Variants in CHSY3 observed in about 807,000 individuals in gnomAD.
The protein encoded by CHSY3 is chondroitin sulfate synthase 3, also known as N-acetylgalactosaminyl-proteoglycan 3-beta-glucuronosyltransferase 3.
In CHSY3, 35 loss-of-function variants were observed where a neutral mutation model predicts 67.2. The observed-to-expected ratio is 0.52, with a 90% CI of 0.40 to 0.69. The LOEUF is 0.69. CHSY3 is among the 30% of genes least tolerant of loss of function. The probability of loss-of-function intolerance (pLI) is 0.00; values close to 1 mark genes in which losing one functional copy is unlikely to be tolerated. For missense variants in CHSY3, 1,069 were observed against 1,138.5 expected (o/e 0.94, Z 0.88); for synonymous variants, 474 against 434.7 (o/e 1.09, Z -1.12).
At chr5:130,106,441 G>A (rs908764224) in intron 2 of CHSY3, among the ~76,000 whole-genome samples, 21 of 151,614 alleles carry the variant, frequency 1.4e-4, no homozygotes, top group Non-Finnish European at 3.1e-4. Flanking sequence ...TTGTGTGCTA[G>A]GCATTGGGGA....
chr5:129,995,808 T>C (rs957832194), intron 2 of CHSY3, among the ~76,000 whole-genome samples: 10 of 152,060 alleles, frequency 6.6e-5, no homozygotes, highest in African/African-American at 2.4e-4. Flanking sequence ...AAGATTATTC[T>C]TTCCTTACTT....
chr5:129,936,275 A>G (rs1326870552), intron 2 of CHSY3, among the ~76,000 whole-genome samples: 1 of 152,206 alleles, frequency 6.6e-6, no homozygotes, highest in Non-Finnish European at 1.5e-5. Context: ...TCTTGGTTGA[A>G]AGCAAAAGGA....
intron 2 of CHSY3, among the ~76,000 whole-genome samples, chr5:130,018,069 T>C (rs1032429218): frequency 7.2e-5 from 11 of 152,160 alleles, no homozygotes; most frequent in African/African-American, 2.7e-4. Context: ...GGTACGTCTT[T>C]AGGTTCTTTT....
chr5:129,912,829 T>C (rs913558354), intron 2 of CHSY3, among the ~76,000 whole-genome samples: 10 of 152,166 alleles, frequency 6.6e-5, no homozygotes, highest in African/African-American at 2.4e-4. Flanking sequence ...TTGGAGAGTC[T>C]AAATTGAGAT....
intron 2 of CHSY3, among the ~76,000 whole-genome samples, chr5:130,081,472 G>A (rs1036259647): frequency 2.0e-5 from 3 of 151,976 alleles, no homozygotes; most frequent in Non-Finnish European, 1.5e-5. Flanking sequence ...ATAGTGTGAT[G>A]ATTAAATTAG....
At chr5:130,061,418 A>G (rs1488007747) in intron 2 of CHSY3, among the ~76,000 whole-genome samples, 1 of 152,178 alleles carries the variant, frequency 6.6e-6, no homozygotes, top group Non-Finnish European at 1.5e-5. Context: ...TATGAATTAG[A>G]GACTTAAACA....
Position 129,918,912 on chromosome 5 carries a change from C to T in CHSY3, c.1086+10552C>T, listed in dbSNP as rs193459. Among the ~76,000 whole-genome samples, 996 of 147,594 alleles carry T rather than the reference C, an allele frequency of 6.7e-3. 1 individual carries two copies. The highest frequency in any genetic ancestry group is 0.024 in the Middle Eastern group (7 of 290). Reference sequence around the variant, plus strand: ...CATGAGGTCAGGAGATCGAGACCATCCTGGCTAACAAGGTGAAACCCCGTC... The same window carrying T: ...CATGAGGTCAGGAGATCGAGACCATTCTGGCTAACAAGGTGAAACCCCGTC... On this transcript the variant is annotated intron_variant, in intron 2 of 2. Transcript: ENST00000305031.
chr5:130,049,080 A>G (rs1369968624), intron 2 of CHSY3, among the ~76,000 whole-genome samples: 4 of 152,090 alleles, frequency 2.6e-5, no homozygotes, highest in Non-Finnish European at 4.4e-5. Context: ...ACAAAGTTGC[A>G]GCAAAAGGGA....
At chr5:130,154,824 T>G (rs1230193590) in intron 2 of CHSY3, among the ~76,000 whole-genome samples, 1 of 152,168 alleles carries the variant, frequency 6.6e-6, no homozygotes, top group Non-Finnish European at 1.5e-5. Flanking sequence ...CTAAGGGAGT[T>G]AAAGATCTTC....
intron 2 of CHSY3, among the ~76,000 whole-genome samples, chr5:129,939,663 T>G (rs1429668384): frequency 6.6e-6 from 1 of 152,230 alleles, no homozygotes; most frequent in Non-Finnish European, 1.5e-5. Context: ...TGTGATATAG[T>G]GAACTTTATT....
chr5:129,952,545 A>G (rs1231560710), intron 2 of CHSY3, among the ~76,000 whole-genome samples: 1 of 152,186 alleles, frequency 6.6e-6, no homozygotes, highest in African/African-American at 2.4e-5. Flanking sequence ...CTTTGAACAC[A>G]TTTGAGGAGT....
chr5:130,097,958 C>T (rs772685983), intron 2 of CHSY3, among the ~76,000 whole-genome samples: 11 of 151,988 alleles, frequency 7.2e-5, no homozygotes, highest in Non-Finnish European at 1.5e-4. Context: ...GAGCCGAGAT[C>T]GCGCCCCTGC....
At chr5:129,914,957 T>A (rs2149578803) in intron 2 of CHSY3, among the ~76,000 whole-genome samples, 1 of 152,326 alleles carries the variant, frequency 6.6e-6, no homozygotes, top group East Asian at 1.9e-4. Flanking sequence ...CTTTAATTGA[T>A]CACAAACATT....
chr5:130,126,224 G>A (rs1201793796), intron 2 of CHSY3, among the ~76,000 whole-genome samples: 2 of 151,814 alleles, frequency 1.3e-5, no homozygotes, highest in East Asian at 3.9e-4. Context: ...CTGCCGAATG[G>A]CCTCTGATGG....
intron 2 of CHSY3, among the ~76,000 whole-genome samples, chr5:130,172,999 C>T (rs1038154000): frequency 6.6e-6 from 1 of 152,158 alleles, no homozygotes; most frequent in African/African-American, 2.4e-5. Flanking sequence ...ACTTAAAATG[C>T]TTTCAGAAAA....
chr5:130,111,831 G>T (rs1767598293), intron 2 of CHSY3, among the ~76,000 whole-genome samples: 1 of 151,752 alleles, frequency 6.6e-6, no homozygotes, highest in Admixed American at 6.6e-5. Flanking sequence ...GGTGACTGTG[G>T]GTAAAATATA....
intron 2 of CHSY3, among the ~76,000 whole-genome samples, chr5:130,094,050 G>A (rs1173745084): frequency 6.6e-6 from 1 of 152,084 alleles, no homozygotes; most frequent in Non-Finnish European, 1.5e-5. Context: ...TGAGCCATTT[G>A]TTGTCAGCAC....
At chr5:129,917,813 G>A (rs961582672) in intron 2 of CHSY3, among the ~76,000 whole-genome samples, 3 of 152,048 alleles carry the variant, frequency 2.0e-5, no homozygotes, top group Admixed American at 1.3e-4. Context: ...AAATTCTGAT[G>A]CTGGACCCCA....
At position 130,087,749 on chromosome 5, in the gene CHSY3, T is replaced by G. The variant is rs1561530869; in HGVS notation, c.1087-96480T>G. 5.3e-5 allele frequency among the ~76,000 whole-genome samples: 8 copies of G among 152,044 alleles called. No individual in the cohort carries two copies. In the South Asian group the frequency reaches 1.7e-3, roughly 32 times the overall value. ...AAACAAATGGAAGAACATTCCATGC[T>G]CATGGGTAGGAAAAATCAATATCAT... On this transcript the variant is annotated intron_variant, in intron 2 of 2. Transcript: ENST00000305031.
Sources: gnomAD v4.1 joint callset for allele counts (sites outside exome capture counted in the v4.1 genomes callset) on GRCh38, gnomAD v4.1.1 for gene constraint, MANE v1.5 for transcripts, NCBI Gene and HGNC (gene_info 2026-07-23, HGNC 2026-07-21) for gene names.